The following HSPA12A variants were observed in gnomAD, a reference collection of about 807,000 sequenced individuals.
HSPA12A encodes heat shock 70 kDa protein 12A.
HSPA12A carries 28 observed loss-of-function variants against 69.2 expected under a neutral mutation model. That is an observed-to-expected ratio of 0.40 (90% CI 0.30 to 0.55). HSPA12A has a LOEUF of 0.55. Among genes scored for constraint, HSPA12A ranks in the 20% least tolerant of loss-of-function variants. The pLI is 0.38. For synonymous variants in HSPA12A, 345 were observed against 370.5 expected, an observed-to-expected ratio of 0.93 and a Z score of 0.79; for missense variants, 686 against 900.7, an observed-to-expected ratio of 0.76 and a Z score of 3.05.
Position 116,681,784 on chromosome 10 carries a change from AC to A in HSPA12A, c.922+6del. ...CAGCAAGAGCAAAGGACATTGAAGG[AC>A]GCTACCTTCCTCCAGCTCGGACCAG... On this transcript the variant is annotated splice_donor_region_variant and intron_variant, in intron 8 of 11. Coordinates refer to ENST00000369209, the MANE Select transcript of HSPA12A (RefSeq NM_025015.3). The A allele has an allele frequency of 6.2e-7, 1 of 1,612,962 alleles. No individual in the cohort carries two copies. The highest frequency in any genetic ancestry group is 1.1e-5 in the South Asian group (1 of 91,054).
chr10:116,849,730 T>G, exon 1 of HSPA12A: 1 of 1,520,902 alleles, frequency 6.6e-7, no homozygotes, highest in Non-Finnish European at 8.8e-7. Flanking sequence ...TACGGGCACC[T>G]GGTAGGGACC....
At position 116,698,645 on chromosome 10, in the gene HSPA12A, T is replaced by C; in HGVS notation, c.536A>G (p.Gln179Arg). ...FAYALQYFKE[Q>R]ALKELSDQAG... The stretch of plus-strand genomic sequence containing the variant: ...AACTATCAGTCCTACCTTCAGCGCC[T>C]GCTCCTTAAAGTACTGCAGGGCATA... Residue 179 changes from glutamine to arginine, a missense_variant, in exon 5 of 12, where the codon CAG (glutamine) becomes CGG (arginine). Gln to Arg is a conservative substitution (Grantham distance 43). Coordinates refer to ENST00000369209, the MANE Select transcript of HSPA12A (RefSeq NM_025015.3). 1 of 1,612,700 alleles carries C rather than the reference T, an allele frequency of 6.2e-7. No homozygotes were observed. The highest frequency in any genetic ancestry group is 8.5e-7 in the Non-Finnish European group (1 of 1,178,858).
At chr10:116,756,715 A>G (rs1554888823) in intron 2 of HSPA12A, among the ~76,000 whole-genome samples, 2 of 151,984 alleles carry the variant, frequency 1.3e-5, no homozygotes, top group African/African-American at 4.8e-5. Context: ...GAGTTCATTC[A>G]TTCATTCACT....
chr10:116,803,046 A>T (rs2133170665), intron 2 of HSPA12A, among the ~76,000 whole-genome samples: 1 of 68,404 alleles, frequency 1.5e-5, no homozygotes, highest in East Asian at 3.6e-4. Context: ...GGAGTAAGCC[A>T]CCGGGAGATG....
intron 2 of HSPA12A, among the ~76,000 whole-genome samples, chr10:116,785,983 G>A (rs1844567466): frequency 6.6e-6 from 1 of 152,184 alleles, no homozygotes; most frequent in African/African-American, 2.4e-5. Flanking sequence ...GGCCCTGGGA[G>A]ACATCCCGAC....
chr10:116,754,389 A>T (rs1306014939), intron 2 of HSPA12A, among the ~76,000 whole-genome samples: 1 of 152,274 alleles, frequency 6.6e-6, no homozygotes, highest in Non-Finnish European at 1.5e-5. Context: ...TATTTTGTCC[A>T]GTATCCTGAT....
chr10:116,837,887 A>G (rs1030899510), intron 1 of HSPA12A, among the ~76,000 whole-genome samples: 2 of 152,154 alleles, frequency 1.3e-5, no homozygotes, highest in Non-Finnish European at 2.9e-5. Context: ...TTATGTTGAT[A>G]GCCTTTTAAA....
intron 2 of HSPA12A, among the ~76,000 whole-genome samples, chr10:116,783,497 G>A (rs1400445320): frequency 6.6e-6 from 1 of 152,152 alleles, no homozygotes; most frequent in Non-Finnish European, 1.5e-5. Context: ...GGCTGCACAC[G>A]GACAAAGAGC....
chr10:116,687,033 T>G (rs1362885959), intron 6 of HSPA12A, among the ~76,000 whole-genome samples: 1 of 152,128 alleles, frequency 6.6e-6, no homozygotes, highest in Non-Finnish European at 1.5e-5. Context: ...CTGGGTAAAA[T>G]TCTACAACTC....
At chr10:116,736,008 T>C (rs1851306385) in intron 1 of HSPA12A, among the ~76,000 whole-genome samples, 1 of 152,164 alleles carries the variant, frequency 6.6e-6, no homozygotes, top group African/African-American at 2.4e-5. Flanking sequence ...AATAAATTTT[T>C]TTAAAAAGAC....
intron 2 of HSPA12A, 40 bp from the exon 3 acceptor site, chr10:116,705,318 G>A: frequency 6.2e-7 from 1 of 1,612,522 alleles, no homozygotes. Context: ...GTGGAGGGGT[G>A]GGCCTGGCTT....
intron 7 of HSPA12A, 80 bp from the exon 8 acceptor site, chr10:116,681,957 T>C (rs782274939): frequency 1.5e-4 from 186 of 1,276,140 alleles, no homozygotes; most frequent in Non-Finnish European, 1.9e-4. Context: ...GTGAAGGCAA[T>C]AGCATGAGGA....
intron 2 of HSPA12A, among the ~76,000 whole-genome samples, chr10:116,793,624 A>G (rs955574191): frequency 1.3e-5 from 2 of 152,082 alleles, no homozygotes; most frequent in Non-Finnish European, 2.9e-5. Context: ...AGACATCACA[A>G]CAATGGCATG....
At chr10:116,773,641 G>T (rs1261805794) in intron 2 of HSPA12A, among the ~76,000 whole-genome samples, 2 of 152,204 alleles carry the variant, frequency 1.3e-5, no homozygotes, top group African/African-American at 4.8e-5. Context: ...CTCACAGTGG[G>T]GGCCTCAGCC....
At chr10:116,694,058 A>G (rs996063171) in intron 5 of HSPA12A, among the ~76,000 whole-genome samples, 1 of 152,212 alleles carries the variant, frequency 6.6e-6, no homozygotes, top group Admixed American at 6.5e-5. Context: ...TAAACTCTTT[A>G]AAAGGAAAAG....
At chr10:116,798,869 C>T (rs375956649) in intron 2 of HSPA12A, among the ~76,000 whole-genome samples, 3 of 152,054 alleles carry the variant, frequency 2.0e-5, no homozygotes, top group Non-Finnish European at 4.4e-5. Flanking sequence ...ATCTAATCCC[C>T]CTGTGAACTG....
chr10:116,698,139 C>T (rs11197799), intron 5 of HSPA12A: 43,755 of 152,296 alleles, frequency 0.29, 6,595 homozygotes, highest in Middle Eastern at 0.41. Context: ...GGATTTTTTC[C>T]GATTTTCGTC....
upstream of HSPA12A, among the ~76,000 whole-genome samples, chr10:116,745,634 C>G (rs1554887751): frequency 1.3e-5 from 2 of 152,170 alleles, no homozygotes. Context: ...AGGGCCTGCC[C>G]TCAGGTCCCC....
chr10:116,799,099 C>T (rs1475220777), intron 2 of HSPA12A, among the ~76,000 whole-genome samples: 1 of 152,122 alleles, frequency 6.6e-6, no homozygotes, highest in Non-Finnish European at 1.5e-5. Context: ...AAACCTGTGT[C>T]ACTGACGGAG....
Sources: gnomAD v4.1 joint callset for allele counts (sites outside exome capture counted in the v4.1 genomes callset) on GRCh38, gnomAD v4.1.1 for gene constraint, MANE v1.5 for transcripts, NCBI Gene and HGNC (gene_info 2026-07-23, HGNC 2026-07-21) for gene names.